The following CNBD1 variants were observed in gnomAD, a reference collection of about 807,000 sequenced individuals.
CNBD1 encodes the protein cyclic nucleotide binding domain containing 1.
CNBD1 carries 71 observed loss-of-function variants against 54.4 expected under a neutral mutation model. The observed-to-expected ratio is 1.30, with a 90% confidence interval of 1.08 to 1.59. CNBD1 has a LOEUF of 1.59. Among genes scored for constraint, CNBD1 ranks in the 40% most tolerant of loss-of-function variants. CNBD1 has a pLI of 0.00. For missense variants in CNBD1, 659 were observed against 518.0 expected, an observed-to-expected ratio of 1.27 and a Z score of -2.64; for synonymous variants, 182 against 170.7, an observed-to-expected ratio of 1.07 and a Z score of -0.51.
At chr8:87,188,226 A>G (rs1813520715) in intron 4 of CNBD1, among the ~76,000 whole-genome samples, 1 of 152,156 alleles carries the variant, frequency 6.6e-6, no homozygotes, top group African/African-American at 2.4e-5. Flanking sequence ...CCCCTAGACT[A>G]GATTACGTCT....
rs780369829 is a variant in CNBD1 at position 87,292,203 on chromosome 8, C to T, written c.1042+5532C>T. ...GAGTAGATGTTTTACAGAATTGCAT[C>T]GTTGCAATAAATCAACCATTAATAA... On this transcript the variant is annotated intron_variant, in intron 8 of 10. Coordinates refer to ENST00000518476, the MANE Select transcript of CNBD1 (RefSeq NM_173538.3). Among the ~76,000 whole-genome samples, 41 of 152,092 alleles carry T rather than the reference C, an allele frequency of 2.7e-4. 1 individual carries two copies. Among genetic ancestry groups the T allele is most frequent in the Non-Finnish European group, 2.8e-4 (19 of 68,012 alleles).
intron 6 of CNBD1, among the ~76,000 whole-genome samples, chr8:87,256,007 ATATATATATTTTTTTTTT>A (rs1365175963): frequency 1.0e-4 from 2 of 19,802 alleles, no homozygotes; most frequent in South Asian, 2.6e-3. Context: ...ATATATATAT[ATATATATATTTTTTTTTT>A]TTTTTTTTTT....
chr8:87,205,317 C>T (rs1363145961), intron 4 of CNBD1, among the ~76,000 whole-genome samples: 1 of 152,126 alleles, frequency 6.6e-6, no homozygotes, highest in Non-Finnish European at 1.5e-5. Context: ...CAGGCGTGAG[C>T]CACCACGCCT....
rs144755286 is a variant in CNBD1 at position 87,025,756 on chromosome 8, C to T, written c.431+86002C>T. Among the ~76,000 whole-genome samples the T allele has an allele frequency of 5.7e-3, 867 of 152,222 alleles. 17 individuals carry two copies. Among genetic ancestry groups the T allele is most frequent in the African/African-American group, 0.02 (824 of 41,532 alleles). On this transcript the variant is annotated intron_variant, in intron 4 of 10. Transcript: ENST00000518476. ...AGATCTGCGGCTTCACTCCTGAGGT[C>T]GGTGAGACCACGAACCCACCGGAAG...
intron 10 of CNBD1, among the ~76,000 whole-genome samples, chr8:87,364,085 T>G (rs1810585236): frequency 6.6e-6 from 1 of 151,866 alleles, no homozygotes; most frequent in South Asian, 2.1e-4. Flanking sequence ...TTCCATTAGG[T>G]ATTTTATAGA....
intron 8 of CNBD1, among the ~76,000 whole-genome samples, chr8:87,336,396 T>C (rs1330432375): frequency 2.0e-5 from 3 of 152,150 alleles, no homozygotes; most frequent in African/African-American, 7.2e-5. Flanking sequence ...TTTTCATTCC[T>C]TTTCCCCTTT....
In CNBD1 at chr8:87,402,831, G is replaced by A. The variant is rs752868464; in HGVS notation, c.214-25715G>A. On this transcript the variant is annotated intron_variant, in intron 2 of 7. Coordinates refer to the CNBD1 transcript ENST00000521593. ...GAAAATGAGAGCAGAAAATAGAATG[G>A]AAGCAAAGCCATCTAATGGAGACTA... Among the ~76,000 whole-genome samples the A allele has an allele frequency of 3.3e-5, 5 of 152,034 alleles. No homozygotes were observed. The East Asian group carries it at 7.7e-4, about 24-fold the overall frequency.
rs191874893 is a variant in CNBD1 at position 87,246,961 on chromosome 8, G to A, written c.771+9849G>A. ...CTGGAACTAGACGGTCCCATCTGGG[G>A]GCAACTGGAGACAGTGACACCCGAA... On this transcript the variant is annotated intron_variant, in intron 6 of 10. Transcript: ENST00000518476. Among the ~76,000 whole-genome samples, 279 of 152,116 alleles carry A rather than the reference G, an allele frequency of 1.8e-3. 2 individuals are homozygous for A. The highest frequency in any genetic ancestry group is 6.5e-3 in the African/African-American group (269 of 41,490).
intron 4 of CNBD1, among the ~76,000 whole-genome samples, chr8:86,941,906 T>A (rs1807323188): frequency 6.6e-6 from 1 of 152,112 alleles, no homozygotes; most frequent in South Asian, 2.1e-4. Flanking sequence ...CACTCATGTG[T>A]GAGAAAATGG....
At chr8:86,876,286 C>T (rs1316184790) in intron 1 of CNBD1, among the ~76,000 whole-genome samples, 1 of 151,520 alleles carries the variant, frequency 6.6e-6, no homozygotes, top group Non-Finnish European at 1.5e-5. Context: ...AGGCTTTTCT[C>T]TTTTTTCTAA....
intron 3 of CNBD1, among the ~76,000 whole-genome samples, chr8:86,910,933 CA>C (rs1472870843): frequency 6.6e-6 from 1 of 152,086 alleles, no homozygotes; most frequent in Non-Finnish European, 1.5e-5. Flanking sequence ...ACACAGGGCA[CA>C]AAAAATTGGT....
At chr8:87,357,019 C>A (rs530845764) in intron 10 of CNBD1, among the ~76,000 whole-genome samples, 1 of 152,300 alleles carries the variant, frequency 6.6e-6, no homozygotes, top group South Asian at 2.1e-4. Flanking sequence ...GCTCCAGAGA[C>A]TGTAAGCTAT....
chr8:87,087,513 G>GA (rs1303117171), intron 4 of CNBD1, among the ~76,000 whole-genome samples: 3 of 148,130 alleles, frequency 2.0e-5, no homozygotes, highest in African/African-American at 7.5e-5. Flanking sequence ...GCCCAGGCTG[G>GA]AGTGCAGTGG....
intron 6 of CNBD1, among the ~76,000 whole-genome samples, chr8:87,256,526 C>T (rs1371130433): frequency 6.6e-6 from 1 of 151,848 alleles, no homozygotes; most frequent in Admixed American, 6.6e-5. Flanking sequence ...AGATGAAGTG[C>T]CTGGCAGCAG....
At chr8:87,419,336 G>C (rs1401875036) in intron 2 of CNBD1, among the ~76,000 whole-genome samples, 1 of 151,818 alleles carries the variant, frequency 6.6e-6, no homozygotes. Context: ...AATAGGTACA[G>C]TATTTATCTT....
chr8:87,158,775 T>A (rs1812796109), intron 4 of CNBD1, among the ~76,000 whole-genome samples: 1 of 152,120 alleles, frequency 6.6e-6, no homozygotes. Flanking sequence ...CAGTCCTTCA[T>A]AAAGAATGTG....
At chr8:86,877,333 G>T (rs998576801) in intron 1 of CNBD1, among the ~76,000 whole-genome samples, 1 of 151,978 alleles carries the variant, frequency 6.6e-6, no homozygotes, top group Non-Finnish European at 1.5e-5. Flanking sequence ...CACTTTATTA[G>T]TACATTTTGC....
intron 4 of CNBD1, among the ~76,000 whole-genome samples, chr8:86,975,615 A>T (rs1808324458): frequency 6.6e-6 from 1 of 151,974 alleles, no homozygotes. Flanking sequence ...CCACTTAAAA[A>T]ATTCATTTAT....
intron 2 of CNBD1, among the ~76,000 whole-genome samples, chr8:87,403,201 A>G (rs1369844518): frequency 6.6e-6 from 1 of 152,032 alleles, no homozygotes; most frequent in East Asian, 1.9e-4. Flanking sequence ...TTTCAAAAAT[A>G]TAGTTTGAGA....
Sources: gnomAD v4.1 joint callset for allele counts (sites outside exome capture counted in the v4.1 genomes callset) on GRCh38, gnomAD v4.1.1 for gene constraint, MANE v1.5 for transcripts, NCBI Gene and HGNC (gene_info 2026-07-23, HGNC 2026-07-21) for gene names.